Variants in MUC20 observed in about 807,000 individuals in gnomAD.
MUC20 encodes the protein mucin 20, cell surface associated.
A neutral mutation model predicts 23.8 loss-of-function variants in MUC20; 14 were observed. The observed-to-expected ratio is 0.59, with a 90% CI of 0.39 to 0.92. The LOEUF (loss-of-function observed/expected upper bound fraction) is 0.92. Among genes scored for constraint, MUC20 ranks in the 40% least tolerant of loss-of-function variants. The pLI, the probability that MUC20 is intolerant of heterozygous loss-of-function variation, is 0.00. For missense variants in MUC20, 375 were observed against 668.8 expected (o/e 0.56, Z 4.85); for synonymous variants, 166 against 279.3 (o/e 0.59, Z 4.04).
intron 2 of MUC20, among the ~76,000 whole-genome samples, chr3:195,728,791 C>T (rs1398921150): frequency 6.6e-6 from 1 of 152,166 alleles, no homozygotes; most frequent in African/African-American, 2.4e-5. Flanking sequence ...GCAGAGGTCC[C>T]TGCGGCTTTC....
At position 195,733,493 on chromosome 3, in the gene MUC20, G is replaced by C; in HGVS notation, c.*275G>C. On this transcript the variant is annotated 3_prime_UTR_variant, in exon 4 of 4. Coordinates refer to ENST00000447234, the MANE Select transcript of MUC20 (RefSeq NM_001282506.2). The stretch of plus-strand genomic sequence containing the variant: ...CATGTTCTGTGTTTCAGTAAAGAGA[G>C]ACCTGATCACCCATCTGTGTGCTTC... 3 of 1,387,764 alleles carry C rather than the reference G, an allele frequency of 2.2e-6. No homozygotes were observed. Among genetic ancestry groups the C allele is most frequent in the East Asian group, 2.8e-5 (1 of 36,014 alleles). 86.0% of individuals were successfully genotyped at this position (1,387,764 alleles called of 1,614,324 possible).
At position 195,729,923 on chromosome 3, in the gene MUC20, G is replaced by A. The variant is rs1436157383; in HGVS notation, c.2061+184G>A. ...GGCTTTGCTTCTGCCTGCCTTCTCC[G>A]AGTTCTTCATTTCCTTCTCTGCAAT... On this transcript the variant is annotated intron_variant, in intron 3 of 3. Coordinates refer to ENST00000447234, the MANE Select transcript of MUC20 (RefSeq NM_001282506.2). 26 of 635,502 alleles carry A rather than the reference G, an allele frequency of 4.1e-5. 1 individual carries two copies. Among genetic ancestry groups the A allele is most frequent in the South Asian group, 3.7e-4 (19 of 51,116 alleles). 39.4% of individuals were successfully genotyped at this position (635,502 alleles called of 1,614,324 possible). A position where few individuals can be genotyped will look rare whatever the true frequency, so the allele number is the denominator to read the frequency against.
chr3:195,728,838 G>A (rs928557956), intron 2 of MUC20, among the ~76,000 whole-genome samples: 2 of 152,172 alleles, frequency 1.3e-5, no homozygotes, highest in African/African-American at 2.4e-5. Context: ...TGAGACTAGA[G>A]AATGGCGATG....
chr3:195,729,894 G>A (rs1713189872), intron 3 of MUC20, 155 bp downstream of exon 3: 1 of 750,280 alleles, frequency 1.3e-6, no homozygotes, highest in South Asian at 1.8e-5. Flanking sequence ...GAGGATCTCT[G>A]CCTGGCTTTG....
At chr3:195,729,411 G>T (rs982726647) in intron 2 of MUC20, 22 of 491,182 alleles carry the variant, frequency 4.5e-5, no homozygotes, top group Admixed American at 7.1e-5. Context: ...CCGCCTCCCA[G>T]GTTCAGGCGA....
chr3:195,730,512 A>AT (rs1257431229), intron 3 of MUC20, among the ~76,000 whole-genome samples: 1 of 148,510 alleles, frequency 6.7e-6, no homozygotes, highest in African/African-American at 2.5e-5. Context: ...CGCCCAACTA[A>AT]TTTTTATGTT....
At chr3:195,730,099 C>CAA (rs4036961) in intron 3 of MUC20, 11,021 of 89,922 alleles carry the variant, frequency 0.12, 287 homozygotes, top group African/African-American at 0.14. Context: ...GCAGTTTATG[C>CAA]AAAAAAAAAA....
chr3:195,728,703 C>G (rs1055759122), intron 2 of MUC20, among the ~76,000 whole-genome samples: 10 of 151,206 alleles, frequency 6.6e-5, no homozygotes, highest in African/African-American at 2.4e-4. Flanking sequence ...GGGGGACGGT[C>G]AGGTCTTTGT....
chr3:195,732,783 G>A (rs1713531708), intron 3 of MUC20, among the ~76,000 whole-genome samples: 1 of 152,258 alleles, frequency 6.6e-6, no homozygotes. Flanking sequence ...GCCACATGGG[G>A]TTGGGCATCA....
intron 1 of MUC20, among the ~76,000 whole-genome samples, chr3:195,723,454 C>T (rs1226188748): frequency 3.8e-5 from 4 of 105,996 alleles, no homozygotes; most frequent in African/African-American, 1.7e-4. Context: ...TTAGGGGGTT[C>T]GTATTTGATC....
At chr3:195,733,001 G>A (rs1320076771) in intron 3 of MUC20, 149 bp from the exon 4 acceptor site, 9 of 788,224 alleles carry the variant, frequency 1.1e-5, no homozygotes, top group African/African-American at 5.0e-5. Context: ...TGTGTGTGAG[G>A]CACCAGCCTG....
intron 3 of MUC20, 94 bp from the exon 4 acceptor site, chr3:195,733,056 T>C: frequency 1.5e-6 from 2 of 1,370,792 alleles, no homozygotes; most frequent in Non-Finnish European, 2.0e-6. Flanking sequence ...GTCCTCCGCA[T>C]GCACTCTGCC....
chr3:195,726,105 C>T lies in MUC20; in HGVS notation c.1502C>T (p.Pro501Leu), dbSNP rs1342275984. The T allele has an allele frequency of 1.2e-6, 2 of 1,609,836 alleles. No individual in the cohort carries two copies. Among genetic ancestry groups the T allele is most frequent in the South Asian group, 1.1e-5 (1 of 90,968 alleles). ...APDATVGTPL[P>L]TNSATEREVT... Reference sequence around the variant, plus strand: ...GATGCCACGGTTGGGACCCCACTCCCCACTAACAGCGCCACAGAAAGAGAA... The same window carrying T: ...GATGCCACGGTTGGGACCCCACTCCTCACTAACAGCGCCACAGAAAGAGAA... The change falls in exon 2 of 4, where the codon CCC becomes CTC. Residue 501 changes from proline to leucine, a missense_variant. Pro to Leu is a moderately conservative substitution (Grantham distance 98). Around this residue, in one of 4 missense-constraint regions of MUC20, gnomAD observed 343 missense variants for 340.2 expected, o/e 1.01. Coordinates refer to ENST00000447234, the MANE Select transcript of MUC20 (RefSeq NM_001282506.2).
At position 195,733,527 on chromosome 3, in the gene MUC20, AT is replaced by A. The variant is rs1221736962; in HGVS notation, c.*311del. The A allele has an allele frequency of 3.0e-5, 40 of 1,333,012 alleles. No individual in the cohort carries two copies. The highest frequency in any genetic ancestry group is 3.6e-5 in the Non-Finnish European group (38 of 1,045,162). The allele number at this position is 1,333,012 out of a possible 1,614,324, so 82.6% of individuals were successfully genotyped here. Reference sequence around the variant, plus strand: ...ACCCATCTGTGTGCTTCCATCCTGCATTAAAATTCACTCAGTGTGGCCCAGA... The same window carrying A: ...ACCCATCTGTGTGCTTCCATCCTGCATAAAATTCACTCAGTGTGGCCCAGA... On this transcript the variant is annotated 3_prime_UTR_variant, in exon 4 of 4. Coordinates refer to ENST00000447234, the MANE Select transcript of MUC20 (RefSeq NM_001282506.2).
At chr3:195,722,360 T>G (rs1408347820) in intron 1 of MUC20, 2 of 984,806 alleles carry the variant, frequency 2.0e-6, no homozygotes, top group East Asian at 2.3e-4. Context: ...TGGCCTGGTC[T>G]GCGCTGCACG....
At chr3:195,721,666 A>G (rs1464295330) in intron 1 of MUC20, 2 of 156,292 alleles carry the variant, frequency 1.3e-5, no homozygotes, top group African/African-American at 4.9e-5. Context: ...AGTTGTGCCA[A>G]ACTCATCACA....
At chr3:195,731,697 C>T (rs1359235475) in intron 3 of MUC20, among the ~76,000 whole-genome samples, 1 of 152,266 alleles carries the variant, frequency 6.6e-6, no homozygotes, top group African/African-American at 2.4e-5. Flanking sequence ...CTTTTTGCTC[C>T]AGAGCCAAAG....
At chr3:195,723,091 C>T (rs1202036244) in intron 1 of MUC20, among the ~76,000 whole-genome samples, 1 of 151,568 alleles carries the variant, frequency 6.6e-6, no homozygotes, top group Non-Finnish European at 1.5e-5. Flanking sequence ...GACATGGAGG[C>T]TGGGAGGGGT....
chr3:195,726,041 A>T lies in MUC20; in HGVS notation c.1438A>T (p.Thr480Ser). The change falls in exon 2 of 4, where the codon ACC (threonine) becomes TCC (serine). Residue 480 changes from threonine to serine, a missense_variant. Physicochemically the swap from Thr to Ser is moderately conservative, Grantham distance 58 (BLOSUM62 1). Coordinates refer to ENST00000447234, the MANE Select transcript of MUC20 (RefSeq NM_001282506.2). Reference protein sequence around the residue: ...HITEVTASAETLSTAGTTESA... With the variant: ...HITEVTASAESLSTAGTTESA... The stretch of plus-strand genomic sequence containing the variant: ...CACTGAGGTCACAGCCTCTGCCGAG[A>T]CCCTGTCCACAGCCGGCACCACAGA... 2 of 1,613,970 alleles carry T rather than the reference A, an allele frequency of 1.2e-6. No homozygotes were observed. Among genetic ancestry groups the T allele is most frequent in the Admixed American group, 3.3e-5 (2 of 60,014 alleles).
Sources: gnomAD v4.1 joint callset for allele counts (sites outside exome capture counted in the v4.1 genomes callset) on GRCh38, gnomAD v4.1.1 for gene constraint, gnomAD v4.1.1 regional missense constraint, MANE v1.5 for transcripts, NCBI Gene and HGNC (gene_info 2026-07-23, HGNC 2026-07-21) for gene names.